Variants in SNTB1 observed in about 807,000 individuals in gnomAD.
SNTB1 encodes the protein beta-1-syntrophin.
Under a neutral mutation model 48.9 loss-of-function variants are expected in SNTB1, and 36 were observed. The observed-to-expected ratio is 0.74, with a 90% CI of 0.56 to 0.97. SNTB1 has a LOEUF of 0.97. Among genes scored for constraint, SNTB1 ranks in the 50% least tolerant of loss-of-function variants. The pLI is 0.00. For missense variants in SNTB1, 786 were observed against 703.4 expected, an observed-to-expected ratio of 1.12 and a Z score of -1.33; for synonymous variants, 299 against 294.6, an observed-to-expected ratio of 1.01 and a Z score of -0.15.
At chr8:120,714,413 A>G (rs1205062029) in intron 1 of SNTB1, among the ~76,000 whole-genome samples, 1 of 152,200 alleles carries the variant, frequency 6.6e-6, no homozygotes, top group African/African-American at 2.4e-5. Flanking sequence ...CATTTCACAG[A>G]AGGTGATTTG....
Position 120,692,451 on chromosome 8 carries a change from G to A in SNTB1, c.788+1241C>T, listed in dbSNP as rs111993974. ...CAAAGGTCACTAAGATTCCCCATTTGCTGGCTCGATCCCTCGCTTTCTTTA... is the reference window on the plus strand; with the variant it reads ...CAAAGGTCACTAAGATTCCCCATTTACTGGCTCGATCCCTCGCTTTCTTTA... On this transcript the variant is annotated intron_variant, in intron 2 of 6. Transcript: ENST00000517992. Among the ~76,000 whole-genome samples the A allele has an allele frequency of 6.7e-3, 1,026 of 152,280 alleles. 16 individuals carry two copies. The Middle Eastern group carries it at 0.095, about 14-fold the overall frequency.
At chr8:120,788,562 A>C (rs6984228) in intron 1 of SNTB1, among the ~76,000 whole-genome samples, 17,169 of 152,062 alleles carry the variant, frequency 0.11, 1,372 homozygotes, top group African/African-American at 0.22. Context: ...ATGCAAATGG[A>C]AACCAAAATC....
At chr8:120,726,510 A>C (rs1385143842) in intron 1 of SNTB1, among the ~76,000 whole-genome samples, 6 of 152,240 alleles carry the variant, frequency 3.9e-5, no homozygotes, top group Admixed American at 6.5e-5. Flanking sequence ...ATTATGAATG[A>C]ATCTTCAGAT....
In SNTB1 at chr8:120,632,527, T is replaced by C; in HGVS notation, c.913A>G (p.Ile305Val). 1 of 1,614,130 alleles carries C rather than the reference T, an allele frequency of 6.2e-7. No homozygotes were observed. The highest frequency in any genetic ancestry group is 8.5e-7 in the Non-Finnish European group (1 of 1,180,028). ...CCCAGCTGCTCTCTGACCTCAGCAA[T>C]CACTCGGGTCAGCAGGTCATTAACG... ...SNVNDLLTRV[I>V]AEVREQLGKT... is the part of the protein sequence containing the mutation. Residue 305 changes from isoleucine (I) to valine (V), a missense_variant, in exon 3 of 7, where the codon ATT becomes GTT. Transcript: ENST00000517992.
chr8:120,792,906 C>G (rs1820060591), intron 1 of SNTB1, among the ~76,000 whole-genome samples: 1 of 151,882 alleles, frequency 6.6e-6, no homozygotes, highest in Non-Finnish European at 1.5e-5. Flanking sequence ...ATTGAAGTGT[C>G]TATTACACTA....
intron 1 of SNTB1, among the ~76,000 whole-genome samples, chr8:120,711,868 C>T (rs1818468882): frequency 6.6e-6 from 1 of 151,998 alleles, no homozygotes; most frequent in African/African-American, 2.4e-5. Flanking sequence ...AAAAAGAAAA[C>T]ATTCATTTTC....
At chr8:120,710,418 T>C (rs1232594386) in intron 1 of SNTB1, among the ~76,000 whole-genome samples, 5 of 152,220 alleles carry the variant, frequency 3.3e-5, no homozygotes, top group Admixed American at 1.3e-4. Context: ...TCCTGACCTC[T>C]CTAAGCCTCA....
chr8:120,585,525 G>T (rs929215541), intron 3 of SNTB1, among the ~76,000 whole-genome samples: 1 of 152,226 alleles, frequency 6.6e-6, no homozygotes, highest in Non-Finnish European at 1.5e-5. Flanking sequence ...GACTAAGGTG[G>T]AAATGAGTCA....
intron 2 of SNTB1, among the ~76,000 whole-genome samples, chr8:120,676,691 C>G (rs1447190753): frequency 6.6e-6 from 1 of 152,130 alleles, no homozygotes; most frequent in Non-Finnish European, 1.5e-5. Flanking sequence ...GTGGACAGAG[C>G]ACAACAGAAA....
At position 120,537,322 on chromosome 8, in the gene SNTB1, A is replaced by G. The variant is rs1185844713; in HGVS notation, c.*1555T>C. On this transcript the variant is annotated 3_prime_UTR_variant, in exon 7 of 7. Transcript: ENST00000517992. ...AAATCTATTTAACATTTTTCAGCTC[A>G]GTATTTAGTAAAGTGTATTAACAAA... 1 of 152,168 alleles carries G rather than the reference A, an allele frequency of 6.6e-6. No individual in the cohort carries two copies. The highest frequency in any genetic ancestry group is 1.5e-5 in the Non-Finnish European group (1 of 68,016). 9.4% of individuals were successfully genotyped at this position (152,168 alleles called of 1,614,324 possible).
At chr8:120,788,092 T>C (rs528838620) in intron 1 of SNTB1, among the ~76,000 whole-genome samples, 1 of 152,266 alleles carries the variant, frequency 6.6e-6, no homozygotes, top group South Asian at 2.1e-4. Flanking sequence ...TTAAATAGAA[T>C]AACTGTCAGC....
chr8:120,755,483 T>G (rs958182214), intron 1 of SNTB1, among the ~76,000 whole-genome samples: 22 of 152,018 alleles, frequency 1.4e-4, no homozygotes, highest in African/African-American at 4.8e-4. Flanking sequence ...GGTAGACAGG[T>G]CCATCTGGGA....
Position 120,812,000 on chromosome 8 carries a change from A to C in SNTB1, c.-157T>G. 7.9e-7 allele frequency: 1 copy of C among 1,266,834 alleles called. No individual in the cohort carries two copies. The highest frequency in any genetic ancestry group is 9.9e-7 in the Non-Finnish European group (1 of 1,011,916). 78.5% of individuals were successfully genotyped at this position (1,266,834 alleles called of 1,614,324 possible). A position where few individuals can be genotyped will look rare whatever the true frequency, so the allele number is the denominator to read the frequency against. On this transcript the variant is annotated 5_prime_UTR_variant, in exon 1 of 7. Transcript: ENST00000517992. ...CTCCGCTCCGGGAGTTCGCAGACGC[A>C]CTCGGCGGGAGTTGGCAGCTGCACT...
intron 2 of SNTB1, among the ~76,000 whole-genome samples, chr8:120,633,725 G>A (rs769242642): frequency 6.6e-6 from 1 of 152,138 alleles, no homozygotes; most frequent in African/African-American, 2.4e-5. Context: ...CTGTAATTGT[G>A]GTAAAAGAAG....
At chr8:120,738,328 G>A (rs1011990911) in intron 1 of SNTB1, among the ~76,000 whole-genome samples, 1 of 152,158 alleles carries the variant, frequency 6.6e-6, no homozygotes, top group Non-Finnish European at 1.5e-5. Context: ...CTTTTCCTAA[G>A]TCATAATAAT....
chr8:120,653,027 C>T (rs926344041), intron 2 of SNTB1, among the ~76,000 whole-genome samples: 6 of 152,156 alleles, frequency 3.9e-5, no homozygotes, highest in African/African-American at 1.4e-4. Context: ...TTCTAGAACA[C>T]TGATGAGGTG....
At chr8:120,724,959 C>G (rs1818727827) in intron 1 of SNTB1, among the ~76,000 whole-genome samples, 1 of 152,170 alleles carries the variant, frequency 6.6e-6, no homozygotes, top group Non-Finnish European at 1.5e-5. Flanking sequence ...ATTCCATGGC[C>G]CATGCCTTTG....
Position 120,693,848 on chromosome 8 carries a change from C to G in SNTB1, c.632G>C (p.Gly211Ala). The change falls in exon 2 of 7, where the codon GGG becomes GCG. Residue 211 changes from glycine to alanine, a missense_variant. Physicochemically the swap from Gly to Ala is moderately conservative, Grantham distance 60 (BLOSUM62 0). Transcript: ENST00000517992. Reference protein sequence around the residue: ...VKKGSPVSEIGWETPPPESPR... With the variant: ...VKKGSPVSEIAWETPPPESPR... ...GGATTCAGGCGGAGGTGTTTCCCAC[C>G]CAATCTCGGATACTGGGGATCCTTT... The G allele has an allele frequency of 6.2e-7, 1 of 1,614,084 alleles. No individual in the cohort carries two copies. Among genetic ancestry groups the G allele is most frequent in the Non-Finnish European group, 8.5e-7 (1 of 1,179,988 alleles).
chr8:120,724,114 G>C (rs1412477251), intron 1 of SNTB1, among the ~76,000 whole-genome samples: 2 of 152,250 alleles, frequency 1.3e-5, no homozygotes, highest in Non-Finnish European at 2.9e-5. Context: ...CTATGGAAGA[G>C]AGCAGAAGGC....
Sources: allele counts gnomAD v4.1 joint callset (sites outside exome capture counted in the v4.1 genomes callset), GRCh38; gene constraint gnomAD v4.1.1; transcripts MANE v1.5; gene names NCBI Gene and HGNC (gene_info 2026-07-23, HGNC 2026-07-21).